The following SLC25A13 variants were observed in gnomAD, a reference collection of about 807,000 sequenced individuals.
SLC25A13 encodes electrogenic aspartate/glutamate antiporter SLC25A13, mitochondrial.
Under a neutral mutation model 85.5 loss-of-function variants are expected in SLC25A13, and 70 were observed. The observed-to-expected ratio is 0.82, with a 90% CI of 0.68 to 1.00. SLC25A13 has a LOEUF of 1.00. Ranked by LOEUF, SLC25A13 falls within the 50% of genes least tolerant of loss-of-function variation. The pLI is 0.00. For missense variants in SLC25A13, 765 were observed against 819.8 expected (o/e 0.93, Z 0.82); for synonymous variants, 259 against 288.7 (o/e 0.90, Z 1.04).
At chr7:96,290,765 C>G (rs916662228) in intron 2 of SLC25A13, among the ~76,000 whole-genome samples, 2 of 152,220 alleles carry the variant, frequency 1.3e-5, no homozygotes, top group African/African-American at 4.8e-5. Context: ...ACAGGAGCAC[C>G]AAGATTCATA....
chr7:96,198,709 A>T (rs982419688), intron 5 of SLC25A13, among the ~76,000 whole-genome samples: 2 of 152,202 alleles, frequency 1.3e-5, no homozygotes, highest in African/African-American at 4.8e-5. Context: ...CAAAATCATA[A>T]ATAAGGGGGT....
intron 15 of SLC25A13, among the ~76,000 whole-genome samples, chr7:96,126,534 G>C (rs77904664): frequency 0.054 from 8,251 of 152,188 alleles, 737 homozygotes; most frequent in African/African-American, 0.19. Flanking sequence ...AAGTATAGTT[G>C]CCTAACTCAT....
At chr7:96,214,643 C>T (rs1174618597) in intron 4 of SLC25A13, among the ~76,000 whole-genome samples, 21 of 151,960 alleles carry the variant, frequency 1.4e-4, no homozygotes, top group East Asian at 1.9e-4. Context: ...AGGAGAATGG[C>T]GTGAACCCGG....
intron 1 of SLC25A13, among the ~76,000 whole-genome samples, chr7:96,301,764 G>A (rs2117005635): frequency 6.6e-6 from 1 of 152,036 alleles, no homozygotes; most frequent in Admixed American, 6.6e-5. Context: ...GAGTAGCTGA[G>A]GCTAAATGCA....
At chr7:96,195,756 T>G (rs905960768) in intron 5 of SLC25A13, among the ~76,000 whole-genome samples, 2 of 152,152 alleles carry the variant, frequency 1.3e-5, no homozygotes, top group Non-Finnish European at 2.9e-5. Flanking sequence ...TGCTGCCCCT[T>G]TCTCCAGCTC....
At chr7:96,193,509 C>T (rs879828449) in intron 5 of SLC25A13, among the ~76,000 whole-genome samples, 7 of 152,212 alleles carry the variant, frequency 4.6e-5, no homozygotes, top group Admixed American at 3.9e-4. Flanking sequence ...ATCTGGCCAA[C>T]CCCAGCTTAG....
intron 11 of SLC25A13, among the ~76,000 whole-genome samples, chr7:96,180,053 T>C (rs1794361123): frequency 6.6e-6 from 1 of 152,202 alleles, no homozygotes; most frequent in Non-Finnish European, 1.5e-5. Context: ...CAACATCCTC[T>C]AGATGTCACC....
At chr7:96,241,915 G>C (rs1201424729) in intron 3 of SLC25A13, among the ~76,000 whole-genome samples, 1 of 152,062 alleles carries the variant, frequency 6.6e-6, no homozygotes, top group African/African-American at 2.4e-5. Context: ...CTCAGCAGAG[G>C]CTTAGACCCC....
chr7:96,312,897 G>A (rs73405043), intron 1 of SLC25A13, among the ~76,000 whole-genome samples: 3,841 of 152,308 alleles, frequency 0.025, 96 homozygotes, highest in African/African-American at 0.067. Flanking sequence ...CATGGCCGTA[G>A]AAGGGTTTCA....
intron 1 of SLC25A13, among the ~76,000 whole-genome samples, chr7:96,312,369 C>T (rs141362654): frequency 1.0e-3 from 153 of 152,166 alleles, no homozygotes; most frequent in African/African-American, 3.4e-3. Flanking sequence ...GAACAGTGTC[C>T]GGCTTTTACA....
intron 11 of SLC25A13, among the ~76,000 whole-genome samples, chr7:96,174,005 C>G (rs1479635094): frequency 6.6e-6 from 1 of 152,168 alleles, no homozygotes; most frequent in Non-Finnish European, 1.5e-5. Flanking sequence ...GCTAATATCA[C>G]AAGGAAGCAG....
At chr7:96,181,614 A>G (rs1281920245) in intron 11 of SLC25A13, among the ~76,000 whole-genome samples, 1 of 152,262 alleles carries the variant, frequency 6.6e-6, no homozygotes, top group African/African-American at 2.4e-5. Context: ...ACACAAAGGT[A>G]ATTTTAAAGT....
In SLC25A13 at chr7:96,199,470, G is replaced by C. The variant is rs1343710820; in HGVS notation, c.469-6287C>G. 4.6e-5 allele frequency among the ~76,000 whole-genome samples: 7 copies of C among 152,312 alleles called. No individual in the cohort carries two copies. The South Asian group carries it at 1.5e-3, about 32-fold the overall frequency. On this transcript the variant is annotated intron_variant, in intron 5 of 17. Coordinates refer to ENST00000265631, the MANE Select transcript of SLC25A13 (RefSeq NM_014251.3). ...AGAAAATGAAGTGTCTCTCTAAAGA[G>C]AGCTCTTAACAGTACCAGGCAATGG...
chr7:96,268,765 C>A (rs986236032), intron 3 of SLC25A13, among the ~76,000 whole-genome samples: 1 of 152,194 alleles, frequency 6.6e-6, no homozygotes, highest in Non-Finnish European at 1.5e-5. Context: ...CAAGTCCCTA[C>A]ACAGTCTGGG....
chr7:96,227,440 C>T (rs1266264933), intron 4 of SLC25A13, among the ~76,000 whole-genome samples: 1 of 152,162 alleles, frequency 6.6e-6, no homozygotes, highest in Non-Finnish European at 1.5e-5. Flanking sequence ...AAATTAATGA[C>T]TTACTCTAAA....
intron 5 of SLC25A13, 121 bp from the exon 6 acceptor site, chr7:96,193,304 T>C: frequency 8.3e-7 from 1 of 1,211,140 alleles, no homozygotes; most frequent in Non-Finnish European, 1.2e-6. Flanking sequence ...TAACAAGCCC[T>C]CATCTGCCTA....
chr7:96,181,390 C>T (rs988686587), intron 11 of SLC25A13, among the ~76,000 whole-genome samples: 33 of 152,266 alleles, frequency 2.2e-4, no homozygotes, highest in African/African-American at 6.3e-4. Context: ...CAGCCAGCTG[C>T]GGGGGAGGCA....
rs1795789876 is a variant in SLC25A13 at position 96,213,848 on chromosome 7, T to C, written c.329-4871A>G. On this transcript the variant is annotated intron_variant, in intron 4 of 17. Transcript: ENST00000265631. The stretch of plus-strand genomic sequence containing the variant: ...TTAAAATGTGCATGTAGCACTAGTA[T>C]ATATTTTGGATATATAAAGTCATAT... Among the ~76,000 whole-genome samples, 3 of 152,354 alleles carry C rather than the reference T, an allele frequency of 2.0e-5. No homozygotes were observed. In the South Asian group the frequency reaches 6.2e-4, roughly 32 times the overall value.
intron 10 of SLC25A13, 62 bp downstream of exon 10, chr7:96,184,865 A>C (rs1314215652): frequency 1.5e-6 from 2 of 1,332,996 alleles, no homozygotes; most frequent in Non-Finnish European, 2.2e-6. Context: ...TCAAGATGGA[A>C]AATCAGAGAA....
Sources: allele counts gnomAD v4.1 joint callset (sites outside exome capture counted in the v4.1 genomes callset), GRCh38; gene constraint gnomAD v4.1.1; transcripts MANE v1.5; gene names NCBI Gene and HGNC (gene_info 2026-07-23, HGNC 2026-07-21).